The following DOCK1 variants were observed in gnomAD, a reference collection of about 807,000 sequenced individuals.
The protein encoded by DOCK1 is dedicator of cytokinesis protein 1.
A neutral mutation model predicts 262.7 loss-of-function variants in DOCK1; 138 were observed. The observed-to-expected ratio is 0.53, with a 90% CI of 0.46 to 0.61. The LOEUF is 0.61. Ranked by LOEUF, DOCK1 falls within the 20% of genes least tolerant of loss-of-function variation. DOCK1 has a pLI of 0.00. For synonymous variants in DOCK1, 866 were observed against 867.4 expected (o/e 1.00, Z 0.03); for missense variants, 1,908 against 2,370.7 (o/e 0.80, Z 4.05).
intron 27 of DOCK1, among the ~76,000 whole-genome samples, chr10:127,161,846 T>A (rs1395672618): frequency 6.6e-6 from 1 of 152,204 alleles, no homozygotes; most frequent in African/African-American, 2.4e-5. Context: ...GAATGATGAA[T>A]GAAGGAACAA....
chr10:127,424,549 G>T (rs1469646430), intron 46 of DOCK1, among the ~76,000 whole-genome samples: 1 of 152,126 alleles, frequency 6.6e-6, no homozygotes, highest in Non-Finnish European at 1.5e-5. Context: ...TCCAGAGAGA[G>T]ACCCAACACA....
chr10:127,147,834 C>G (rs2133400225), intron 27 of DOCK1, among the ~76,000 whole-genome samples: 1 of 151,700 alleles, frequency 6.6e-6, no homozygotes, highest in South Asian at 2.1e-4. Flanking sequence ...AGTTTGAGAA[C>G]AGCCTGGCCA....
chr10:127,097,018 T>C (rs1239608241), intron 23 of DOCK1, among the ~76,000 whole-genome samples: 1 of 152,126 alleles, frequency 6.6e-6, no homozygotes, highest in Non-Finnish European at 1.5e-5. Context: ...GACAGGAGAA[T>C]TGCTTGAACC....
At chr10:127,406,408 G>A (rs2067518114) in intron 40 of DOCK1, among the ~76,000 whole-genome samples, 1 of 152,158 alleles carries the variant, frequency 6.6e-6, no homozygotes, top group East Asian at 1.9e-4. Flanking sequence ...AGTCTGAATG[G>A]AGGTTAACAG....
intron 29 of DOCK1, among the ~76,000 whole-genome samples, chr10:127,278,586 T>C (rs2060830387): frequency 6.6e-6 from 1 of 152,112 alleles, no homozygotes; most frequent in Non-Finnish European, 1.5e-5. Context: ...TGAAAAGACA[T>C]ATATTCTTCC....
chr10:127,433,190 T>C, intron 47 of DOCK1, 93 bp from the exon 48 acceptor site: 1 of 1,533,852 alleles, frequency 6.5e-7, no homozygotes, highest in Non-Finnish European at 8.9e-7. Flanking sequence ...ATGGTCTCGA[T>C]TCCACACAGC....
intron 9 of DOCK1, among the ~76,000 whole-genome samples, 160 bp downstream of exon 9, chr10:126,999,595 A>C (rs1303239352): frequency 6.6e-6 from 1 of 152,226 alleles, no homozygotes; most frequent in Admixed American, 6.5e-5. Flanking sequence ...TCCAGAAATC[A>C]TCTGAGTCTC....
Position 127,362,839 on chromosome 10 carries a change from A to ACATGCACCTCCCCC in DOCK1, c.3432+629_3432+630insTGCACCTCCCCCCA. ...GGTTGGCACCCACACCCACACATACACACACACACACACATGTACATCCCC... is the reference window on the plus strand; with the variant it reads ...GGTTGGCACCCACACCCACACATACACATGCACCTCCCCCCACACACACACACATGTACATCCCC... On this transcript the variant is annotated intron_variant, in intron 33 of 51. Transcript: ENST00000623213. Among the ~76,000 whole-genome samples, 8 of 7,500 alleles carry ACATGCACCTCCCCC rather than the reference A, an allele frequency of 1.1e-3. 3 individuals are homozygous for ACATGCACCTCCCCC. Among genetic ancestry groups the ACATGCACCTCCCCC allele is most frequent in the Admixed American group, 5.2e-3 (4 of 772 alleles). The allele number at this position is 7,500 out of a possible 152,430, so 4.9% of individuals were successfully genotyped here. A position where few individuals can be genotyped will look rare whatever the true frequency, so the allele number is the denominator to read the frequency against.
rs564294573 is a variant in DOCK1 at position 127,414,775 on chromosome 10, C to T, written c.4429-377C>T. On this transcript the variant is annotated intron_variant, in intron 43 of 51. Coordinates refer to ENST00000623213, the MANE Select transcript of DOCK1 (RefSeq NM_001290223.2). Reference sequence around the variant, plus strand: ...TTTGCCCCTTTTAGTTTCTTATGAACACTGTAGCTAATGTAAGACTTCTTT... The same window carrying T: ...TTTGCCCCTTTTAGTTTCTTATGAATACTGTAGCTAATGTAAGACTTCTTT... Among the ~76,000 whole-genome samples, 107 of 152,338 alleles carry T rather than the reference C, an allele frequency of 7.0e-4. 1 individual carries two copies. Among genetic ancestry groups the T allele is most frequent in the African/African-American group, 2.4e-3 (101 of 41,572 alleles).
intron 27 of DOCK1, among the ~76,000 whole-genome samples, chr10:127,166,684 A>G (rs527279896): frequency 1.3e-5 from 2 of 152,342 alleles, no homozygotes; most frequent in South Asian, 2.1e-4. Flanking sequence ...CCTCAGCTCC[A>G]GTGGGAAATA....
At chr10:127,089,423 G>T (rs958345066) in intron 23 of DOCK1, among the ~76,000 whole-genome samples, 2 of 151,828 alleles carry the variant, frequency 1.3e-5, no homozygotes, top group Admixed American at 6.6e-5. Context: ...TTTTTCCTTG[G>T]CTTCTCCTGT....
intron 29 of DOCK1, among the ~76,000 whole-genome samples, chr10:127,274,126 G>A (rs1299116557): frequency 6.6e-6 from 1 of 152,134 alleles, no homozygotes; most frequent in Non-Finnish European, 1.5e-5. Context: ...CCCAAAAAAA[G>A]TGCATGATGA....
In DOCK1 at chr10:127,391,137, A is replaced by T. The variant is rs376252180; in HGVS notation, c.3927+6228A>T. 1.1e-4 allele frequency among the ~76,000 whole-genome samples: 16 copies of T among 152,354 alleles called. No homozygotes were observed. The East Asian group carries it at 1.9e-3, about 18-fold the overall frequency. Reference sequence around the variant, plus strand: ...AAAATATTTCTGAAAGAGTTACAAAATGGGGACTCAAGTCTGGAAAGAATA... The same window carrying T: ...AAAATATTTCTGAAAGAGTTACAAATTGGGGACTCAAGTCTGGAAAGAATA... On this transcript the variant is annotated intron_variant, in intron 38 of 51. Transcript: ENST00000623213.
intron 29 of DOCK1, among the ~76,000 whole-genome samples, chr10:127,283,803 C>T (rs2061051166): frequency 6.6e-6 from 1 of 152,164 alleles, no homozygotes; most frequent in Non-Finnish European, 1.5e-5. Context: ...ATTTAGGTTG[C>T]TCTCAAGTTG....
At chr10:127,342,468 G>T (rs532324908) in intron 30 of DOCK1, among the ~76,000 whole-genome samples, 1 of 152,242 alleles carries the variant, frequency 6.6e-6, no homozygotes, top group African/African-American at 2.4e-5. Context: ...CTGCAATGGG[G>T]ATAACAGCAC....
At chr10:127,254,989 G>A (rs2134909582) in intron 28 of DOCK1, among the ~76,000 whole-genome samples, 1 of 152,306 alleles carries the variant, frequency 6.6e-6, no homozygotes, top group Admixed American at 6.5e-5. Flanking sequence ...TCTAGTGGGT[G>A]GGCACAGGGA....
chr10:126,917,109 G>A (rs2032588487), intron 1 of DOCK1, among the ~76,000 whole-genome samples: 1 of 152,148 alleles, frequency 6.6e-6, no homozygotes, highest in Non-Finnish European at 1.5e-5. Flanking sequence ...AGCTGTGCTT[G>A]TGGCTCCTGT....
intron 27 of DOCK1, among the ~76,000 whole-genome samples, chr10:127,139,811 C>T (rs953882249): frequency 3.9e-5 from 6 of 152,126 alleles, no homozygotes; most frequent in Non-Finnish European, 8.8e-5. Context: ...CAATCTCTCC[C>T]CACTGAAAAA....
chr10:127,053,337 ATC>A (rs1006053415), intron 22 of DOCK1, among the ~76,000 whole-genome samples: 5 of 152,176 alleles, frequency 3.3e-5, no homozygotes, highest in African/African-American at 1.2e-4. Flanking sequence ...GCGAGACTCC[ATC>A]TCAAAAACAA....
Sources: gnomAD v4.1 joint callset for allele counts (sites outside exome capture counted in the v4.1 genomes callset) on GRCh38, gnomAD v4.1.1 for gene constraint, MANE v1.5 for transcripts, NCBI Gene and HGNC (gene_info 2026-07-23, HGNC 2026-07-21) for gene names.